Variants in MAGI3 observed in about 807,000 individuals in gnomAD.
MAGI3 encodes the protein membrane-associated guanylate kinase, WW and PDZ domain-containing protein 3.
Under a neutral mutation model 121.8 loss-of-function variants are expected in MAGI3, and 43 were observed. That is an observed-to-expected ratio of 0.35 (90% CI 0.28 to 0.46). The LOEUF (loss-of-function observed/expected upper bound fraction) is 0.46. Ranked by LOEUF, MAGI3 falls within the 20% of genes least tolerant of loss-of-function variation. The pLI is 1.00. For missense variants in MAGI3, 1,547 were observed against 1,797.3 expected, an observed-to-expected ratio of 0.86 and a Z score of 2.52; for synonymous variants, 553 against 639.3, an observed-to-expected ratio of 0.86 and a Z score of 2.04.
intron 1 of MAGI3, among the ~76,000 whole-genome samples, chr1:113,505,359 T>A (rs1221643274): frequency 6.6e-6 from 1 of 152,096 alleles, no homozygotes; most frequent in Non-Finnish European, 1.5e-5. Context: ...GGTTTTGTAA[T>A]ATTTTCTGTT....
intron 19 of MAGI3, among the ~76,000 whole-genome samples, chr1:113,679,649 A>G (rs889078318): frequency 3.3e-5 from 5 of 151,996 alleles, no homozygotes; most frequent in South Asian, 2.1e-4. Context: ...GTAAATCACA[A>G]TGGTACTAAG....
At chr1:113,572,158 G>T (rs561318769) in intron 2 of MAGI3, among the ~76,000 whole-genome samples, 1 of 152,262 alleles carries the variant, frequency 6.6e-6, no homozygotes, top group South Asian at 2.1e-4. Flanking sequence ...TAATCATGTG[G>T]TTTTTGTCAT....
intron 1 of MAGI3, among the ~76,000 whole-genome samples, chr1:113,492,256 A>G (rs962000849): frequency 2.6e-5 from 4 of 152,228 alleles, no homozygotes; most frequent in African/African-American, 7.2e-5. Context: ...AAACACAACT[A>G]AAGACAAAAT....
At chr1:113,621,030 A>T (rs958899082) in intron 8 of MAGI3, among the ~76,000 whole-genome samples, 7 of 152,158 alleles carry the variant, frequency 4.6e-5, no homozygotes, top group African/African-American at 1.4e-4. Context: ...GGAGTACCCA[A>T]CTCTGCTTTG....
At chr1:113,638,875 G>A (rs1204443993) in intron 9 of MAGI3, among the ~76,000 whole-genome samples, 6 of 152,016 alleles carry the variant, frequency 3.9e-5, no homozygotes, top group African/African-American at 1.5e-4. Flanking sequence ...TTGAGCTGTG[G>A]TGGGCTCCAC....
intron 8 of MAGI3, among the ~76,000 whole-genome samples, 176 bp from the exon 9 acceptor site, chr1:113,622,630 G>T (rs977730446): frequency 6.6e-6 from 1 of 152,084 alleles, no homozygotes; most frequent in Non-Finnish European, 1.5e-5. Flanking sequence ...AGTGCTAAAG[G>T]TTGTATCATT....
intron 1 of MAGI3, among the ~76,000 whole-genome samples, chr1:113,407,569 TGTC>T (rs1160010715): frequency 4.8e-5 from 6 of 125,848 alleles, no homozygotes; most frequent in Non-Finnish European, 7.0e-5. Context: ...TCCATCAATC[TGTC>T]TTTTTTTTTT....
At chr1:113,412,951 C>G (rs1298323733) in intron 1 of MAGI3, among the ~76,000 whole-genome samples, 1 of 152,070 alleles carries the variant, frequency 6.6e-6, no homozygotes, top group Non-Finnish European at 1.5e-5. Context: ...AAGTCCTTGC[C>G]CATGCCTATG....
chr1:113,420,258 G>A (rs1652670616), intron 1 of MAGI3, among the ~76,000 whole-genome samples: 1 of 152,146 alleles, frequency 6.6e-6, no homozygotes, highest in African/African-American at 2.4e-5. Flanking sequence ...TGCCAACCCT[G>A]AGATCAAATG....
rs146878251 is a variant in MAGI3, at chr1:113,587,493, G to A, written c.763+1897G>A. On this transcript the variant is annotated intron_variant, in intron 4 of 20. Transcript: ENST00000307546. ...TTACAGGCGTGAGCCACCGTGCCCAGCCTGTGTATCGCTTTGGAATCCCTG... is the reference window on the plus strand; with the variant it reads ...TTACAGGCGTGAGCCACCGTGCCCAACCTGTGTATCGCTTTGGAATCCCTG... Among the ~76,000 whole-genome samples the A allele has an allele frequency of 2.6e-5, 4 of 152,312 alleles. No individual in the cohort carries two copies. In the East Asian group the frequency reaches 5.8e-4, roughly 22 times the overall value.
chr1:113,614,499 A>G, intron 6 of MAGI3, 102 bp from the exon 7 acceptor site: 1 of 897,476 alleles, frequency 1.1e-6, no homozygotes, highest in South Asian at 1.4e-5. Flanking sequence ...CAGCTTTCTG[A>G]CACCCAAATA....
intron 7 of MAGI3, among the ~76,000 whole-genome samples, chr1:113,618,079 C>T (rs539653661): frequency 2.0e-5 from 3 of 151,212 alleles, no homozygotes; most frequent in Non-Finnish European, 4.4e-5. Flanking sequence ...TATTTTAGTC[C>T]CTGCTGCCCA....
At position 113,684,093 on chromosome 1, in the gene MAGI3, T is replaced by G. The variant is rs1648400539; in HGVS notation, c.*79T>G. 7.1e-7 allele frequency: 1 copy of G among 1,410,030 alleles called. No homozygotes were observed. The highest frequency in any genetic ancestry group is 9.4e-7 in the Non-Finnish European group (1 of 1,068,318). The allele number at this position is 1,410,030 out of a possible 1,614,324, so 87.3% of individuals were successfully genotyped here. A position where few individuals can be genotyped will look rare whatever the true frequency, so the allele number is the denominator to read the frequency against. Reference sequence around the variant, plus strand: ...TTTTCCAGAAAAAGCCTTTTTTTTTTTTTCAGATATTCTGAAACAGATAAG... The same window carrying G: ...TTTTCCAGAAAAAGCCTTTTTTTTTGTTTCAGATATTCTGAAACAGATAAG... On this transcript the variant is annotated 3_prime_UTR_variant, in exon 21 of 21. Transcript: ENST00000307546.
rs370653205 is a variant in MAGI3 at position 113,654,746 on chromosome 1, T to G, written c.2629+728T>G. On this transcript the variant is annotated intron_variant, in intron 15 of 20. Transcript: ENST00000307546. Reference sequence around the variant, plus strand: ...TTGATATTTCTATAAAATAATAATTTTTAATATAATTATAAAATCCAGTTG... The same window carrying G: ...TTGATATTTCTATAAAATAATAATTGTTAATATAATTATAAAATCCAGTTG... 1.8e-4 allele frequency among the ~76,000 whole-genome samples: 28 copies of G among 152,036 alleles called. No individual in the cohort carries two copies. The East Asian group carries it at 5.0e-3, about 27-fold the overall frequency.
chr1:113,674,360 C>T (rs12077435), intron 19 of MAGI3, among the ~76,000 whole-genome samples: 1 of 146,216 alleles, frequency 6.8e-6, no homozygotes, highest in Admixed American at 7.0e-5. Flanking sequence ...CCATTGCACT[C>T]TAGTCTGGGC....
chr1:113,618,488 A>G, intron 7 of MAGI3: 1 of 447,580 alleles, frequency 2.2e-6, no homozygotes, highest in Non-Finnish European at 4.5e-6. Flanking sequence ...GTGTTCACTC[A>G]TATCACCTCT....
At chr1:113,393,073 T>C (rs564876821) in intron 1 of MAGI3, among the ~76,000 whole-genome samples, 1 of 152,338 alleles carries the variant, frequency 6.6e-6, no homozygotes, top group Admixed American at 6.5e-5. Flanking sequence ...TTGTGATCTT[T>C]TTTAGAAGAC....
At chr1:113,571,463 A>T (rs1647287931) in intron 2 of MAGI3, among the ~76,000 whole-genome samples, 1 of 152,202 alleles carries the variant, frequency 6.6e-6, no homozygotes, top group Non-Finnish European at 1.5e-5. Flanking sequence ...ATAGCATTGA[A>T]TCTATAAATT....
At chr1:113,419,887 G>A (rs1225620702) in intron 1 of MAGI3, among the ~76,000 whole-genome samples, 1 of 152,078 alleles carries the variant, frequency 6.6e-6, no homozygotes, top group Non-Finnish European at 1.5e-5. Context: ...TGCATTCCTT[G>A]GCTCATGGCC....
Sources: allele counts gnomAD v4.1 joint callset (sites outside exome capture counted in the v4.1 genomes callset), GRCh38; gene constraint gnomAD v4.1.1; transcripts MANE v1.5; gene names NCBI Gene and HGNC (gene_info 2026-07-23, HGNC 2026-07-21).